BANK1: variants seen among roughly 807,000 people sequenced by gnomAD.
BANK1 encodes B-cell scaffold protein with ankyrin repeats.
BANK1 carries 95 observed loss-of-function variants against 94.5 expected under a neutral mutation model. The observed-to-expected ratio is 1.00, with a 90% CI of 0.85 to 1.19. The LOEUF is 1.19. Among genes scored for constraint, BANK1 ranks in the 50% most tolerant of loss-of-function variants. The pLI is 0.00. For synonymous variants in BANK1, 334 were observed against 308.4 expected (o/e 1.08, Z -0.87); for missense variants, 987 against 932.2 (o/e 1.06, Z -0.77).
At chr4:101,851,635 G>T (rs1407352256) in intron 2 of BANK1, among the ~76,000 whole-genome samples, 1 of 152,110 alleles carries the variant, frequency 6.6e-6, no homozygotes, top group Non-Finnish European at 1.5e-5. Flanking sequence ...GAATATCCTG[G>T]TCAAAACACC....
At chr4:101,800,330 C>G (rs1198341123) in intron 1 of BANK1, among the ~76,000 whole-genome samples, 11 of 150,682 alleles carry the variant, frequency 7.3e-5, no homozygotes, top group Non-Finnish European at 8.9e-5. Flanking sequence ...ATTTTTCATT[C>G]CTTCTTCTAT....
intron 11 of BANK1, among the ~76,000 whole-genome samples, chr4:102,049,253 T>A (rs1487270515): frequency 6.6e-6 from 1 of 152,220 alleles, no homozygotes; most frequent in East Asian, 1.9e-4. Context: ...GATTTCTAAG[T>A]GAACATGATC....
chr4:101,941,271 CAT>C (rs1275154037), intron 7 of BANK1, among the ~76,000 whole-genome samples: 1 of 151,710 alleles, frequency 6.6e-6, no homozygotes, highest in Non-Finnish European at 1.5e-5. Flanking sequence ...GTATATTTAA[CAT>C]GTGTATTTTC....
chr4:102,003,954 CAT>C (rs1186899772), intron 7 of BANK1, among the ~76,000 whole-genome samples: 92 of 150,810 alleles, frequency 6.1e-4, no homozygotes, highest in Middle Eastern at 3.5e-3. Flanking sequence ...TATATACACA[CAT>C]ATATGTGTAT....
intron 7 of BANK1, among the ~76,000 whole-genome samples, chr4:101,950,060 T>TGTGTGTGTGTGCGCGC (rs369393040): frequency 2.2e-5 from 3 of 139,404 alleles, no homozygotes; most frequent in South Asian, 2.1e-4. Context: ...TGTGTGTGTG[T>TGTGTGTGTGTGCGCGC]GCGCGTGCGC....
At chr4:101,842,984 A>T (rs1354622076) in intron 2 of BANK1, among the ~76,000 whole-genome samples, 1 of 152,244 alleles carries the variant, frequency 6.6e-6, no homozygotes, top group Non-Finnish European at 1.5e-5. Context: ...TTCTCATGCT[A>T]AATGAGCTTT....
intron 11 of BANK1, among the ~76,000 whole-genome samples, chr4:102,052,776 C>A (rs2148960251): frequency 6.6e-6 from 1 of 152,116 alleles, no homozygotes; most frequent in East Asian, 1.9e-4. Flanking sequence ...CAGTTGGCAA[C>A]AAAATGCAGG....
chr4:101,870,831 A>C (rs1386497345), intron 5 of BANK1, among the ~76,000 whole-genome samples, 187 bp downstream of exon 5: 1 of 151,822 alleles, frequency 6.6e-6, no homozygotes, highest in Non-Finnish European at 1.5e-5. Flanking sequence ...GCCTAGGTCA[A>C]AAAAAAACAG....
At chr4:101,994,819 G>A (rs567567542) in intron 7 of BANK1, among the ~76,000 whole-genome samples, 5 of 152,222 alleles carry the variant, frequency 3.3e-5, no homozygotes, top group African/African-American at 1.2e-4. Context: ...TTATTGCACA[G>A]AGAAGTTTCA....
intron 7 of BANK1, among the ~76,000 whole-genome samples, chr4:102,016,780 A>G (rs969445190): frequency 6.6e-6 from 1 of 152,128 alleles, no homozygotes; most frequent in Non-Finnish European, 1.5e-5. Context: ...GTTTTCTTCT[A>G]ATATCCTTTT....
chr4:102,043,001 C>T (rs1727753917), intron 10 of BANK1, among the ~76,000 whole-genome samples: 1 of 152,034 alleles, frequency 6.6e-6, no homozygotes. Flanking sequence ...CTAGTTACTT[C>T]CAACTCCCTC....
At chr4:102,017,851 A>G (rs1367483425) in intron 7 of BANK1, among the ~76,000 whole-genome samples, 2 of 152,234 alleles carry the variant, frequency 1.3e-5, no homozygotes, top group African/African-American at 4.8e-5. Context: ...CCATACAAAG[A>G]AAATTTCTAC....
At chr4:101,850,563 A>G (rs1398129223) in intron 2 of BANK1, among the ~76,000 whole-genome samples, 2 of 151,992 alleles carry the variant, frequency 1.3e-5, no homozygotes, top group African/African-American at 4.8e-5. Context: ...TATTACAGGC[A>G]TAAGCCACCG....
intron 5 of BANK1, among the ~76,000 whole-genome samples, chr4:101,876,029 G>T (rs1427091037): frequency 1.3e-5 from 2 of 152,158 alleles, no homozygotes; most frequent in Non-Finnish European, 2.9e-5. Context: ...ATGGAAGAGT[G>T]GGGAGGACTT....
At chr4:102,027,509 G>A (rs1011052267) in intron 9 of BANK1, among the ~76,000 whole-genome samples, 3 of 151,824 alleles carry the variant, frequency 2.0e-5, no homozygotes, top group East Asian at 1.9e-4. Context: ...ATAAAATGCC[G>A]GTATTTTTTC....
chr4:101,950,813 T>TTGATG (rs1448881318), intron 7 of BANK1, among the ~76,000 whole-genome samples: 2 of 152,126 alleles, frequency 1.3e-5, no homozygotes, highest in African/African-American at 4.8e-5. Context: ...TAACATTGAT[T>TTGATG]TGATGTGATG....
chr4:101,945,593 A>G (rs1249233636), intron 7 of BANK1, among the ~76,000 whole-genome samples: 1 of 151,980 alleles, frequency 6.6e-6, no homozygotes, highest in African/African-American at 2.4e-5. Context: ...GAAGAAAACA[A>G]GAAACAGCAC....
Position 101,874,912 on chromosome 4 carries a change from A to G in BANK1, c.903+4268A>G, listed in dbSNP as rs138949370. On this transcript the variant is annotated intron_variant, in intron 5 of 16. Transcript: ENST00000322953. ...GAAAACACAAACAGTTGCTTTTTAC[A>G]GTGCTAATTGAGTAGATAAGTGAAA... 7.2e-4 allele frequency among the ~76,000 whole-genome samples: 110 copies of G among 152,300 alleles called. 1 individual carries two copies. In the East Asian group the frequency reaches 0.019, roughly 26 times the overall value.
chr4:102,030,217 C>T lies in BANK1; in HGVS notation c.1852C>T (p.Pro618Ser), dbSNP rs1209374335. ...TAGACCTCCTGCCCCCACACCCCGA[C>T]CCACAAGTATACCTCCAAAAGAGGA... is the stretch of plus-strand genomic sequence containing the variant. The part of the protein sequence containing the change: ...INRPPAPTPR[P>S]TSIPPKEETT... The change falls in exon 10 of 17, where the codon CCC (proline) becomes TCC (serine). Residue 618 changes from proline to serine, a missense_variant. By Grantham distance (74) the Pro-to-Ser change is moderately conservative. Coordinates refer to ENST00000322953, the MANE Select transcript of BANK1 (RefSeq NM_017935.5). 3 of 1,611,614 alleles carry T rather than the reference C, an allele frequency of 1.9e-6. No homozygotes were observed. Among genetic ancestry groups the T allele is most frequent in the African/African-American group, 1.3e-5 (1 of 74,616 alleles).
Sources: gnomAD v4.1 joint callset for allele counts (sites outside exome capture counted in the v4.1 genomes callset) on GRCh38, gnomAD v4.1.1 for gene constraint, MANE v1.5 for transcripts, NCBI Gene and HGNC (gene_info 2026-07-23, HGNC 2026-07-21) for gene names.